The following UGT1A7 variants were observed in gnomAD, a reference collection of about 807,000 sequenced individuals.
UGT1A7 encodes the protein UDP-glucuronosyltransferase 1A7.
A neutral mutation model predicts 45.6 loss-of-function variants in UGT1A7; 33 were observed. The observed-to-expected ratio is 0.72, with a 90% CI of 0.55 to 0.97. The LOEUF is 0.97. Among genes scored for constraint, UGT1A7 ranks in the 50% least tolerant of loss-of-function variants. The pLI is 0.00. For missense variants in UGT1A7, 684 were observed against 666.2 expected, an observed-to-expected ratio of 1.03 and a Z score of -0.29; for synonymous variants, 274 against 250.6, an observed-to-expected ratio of 1.09 and a Z score of -0.88.
At chr2:233,702,131 A>C (rs1379311746) in intron 1 of UGT1A7, among the ~76,000 whole-genome samples, 1 of 151,904 alleles carries the variant, frequency 6.6e-6, no homozygotes, top group Non-Finnish European at 1.5e-5. Context: ...ATTTTCAGTC[A>C]CTCCCAAAGA....
intron 1 of UGT1A7, chr2:233,713,781 G>C (rs1363495958): frequency 1.2e-6 from 2 of 1,613,986 alleles, no homozygotes; most frequent in Non-Finnish European, 1.7e-6. Context: ...CTTTGTGATG[G>C]ATTACCCCAG....
In UGT1A7 at chr2:233,682,646, A is replaced by C. The variant is rs1441040908; in HGVS notation, c.709A>C (p.Thr237Pro). 1 of 1,613,772 alleles carries C rather than the reference A, an allele frequency of 6.2e-7. No homozygotes were observed. Among genetic ancestry groups the C allele is most frequent in the Non-Finnish European group, 8.5e-7 (1 of 1,179,806 alleles). ...VLEIASEILQ[T>P]PVTAYDLYSH... ...AGAAATAGCCTCTGAAATTCTCCAA[A>C]CCCCTGTCACGGCATATGATCTCTA... The change falls in exon 1 of 5, where the codon ACC (threonine) becomes CCC (proline). Residue 237 changes from threonine to proline, a missense_variant. Transcript: ENST00000373426.
Position 233,769,467 on chromosome 2 carries a change from G to T in UGT1A7, c.1295+1028G>T. The T allele has an allele frequency of 6.2e-7, 1 of 1,602,902 alleles. No homozygotes were observed. On this transcript the variant is annotated intron_variant, in intron 4 of 4. Coordinates refer to ENST00000373426, the MANE Select transcript of UGT1A7 (RefSeq NM_019077.3). This position sits in a 1 kb window ranked among gnomAD's most constrained non-coding sequence, Gnocchi z 4.4. Reference sequence around the variant, plus strand: ...TGCACACGTGTGCATTCATATGCGTGTGTGTGTGTGTGCGTGTGTTTATGA... The same window carrying T: ...TGCACACGTGTGCATTCATATGCGTTTGTGTGTGTGTGCGTGTGTTTATGA...
chr2:233,757,994 T>C (rs1233482965), intron 1 of UGT1A7, among the ~76,000 whole-genome samples: 1 of 152,092 alleles, frequency 6.6e-6, no homozygotes, highest in Non-Finnish European at 1.5e-5. Context: ...TCCCCTGTAA[T>C]TGCCTGGTCA....
chr2:233,712,348 G>A (rs2076227987), intron 1 of UGT1A7, among the ~76,000 whole-genome samples: 1 of 152,170 alleles, frequency 6.6e-6, no homozygotes, highest in African/African-American at 2.4e-5. Context: ...ATCACATCTT[G>A]AGCTCAGCCT....
At chr2:233,740,478 C>T (rs1295883834) in intron 1 of UGT1A7, among the ~76,000 whole-genome samples, 1 of 151,898 alleles carries the variant, frequency 6.6e-6, no homozygotes, top group African/African-American at 2.4e-5. Flanking sequence ...AAGGATCATT[C>T]CCTCTTCCAG....
At chr2:233,741,652 T>A (rs1179014053) in intron 1 of UGT1A7, 1 of 151,932 alleles carries the variant, frequency 6.6e-6, no homozygotes, top group Non-Finnish European at 1.5e-5. Context: ...GCCAGCTGAC[T>A]GCCATGTTCC....
At chr2:233,713,501 G>A (rs771192795) in intron 1 of UGT1A7, 5 of 1,613,952 alleles carry the variant, frequency 3.1e-6, no homozygotes, top group Admixed American at 1.7e-5. Context: ...TTCCTGCTGT[G>A]TTTTTCTTGA....
intron 1 of UGT1A7, among the ~76,000 whole-genome samples, chr2:233,715,946 TTGAC>T (rs1026670441): frequency 8.5e-5 from 13 of 152,220 alleles, no homozygotes; most frequent in African/African-American, 2.9e-4. Flanking sequence ...TTGTGGTTTG[TTGAC>T]TGACTGACTG....
chr2:233,718,048 C>G, intron 1 of UGT1A7: 1 of 365,942 alleles, frequency 2.7e-6, no homozygotes, highest in South Asian at 2.1e-5. Flanking sequence ...CAGGAGCTCC[C>G]TGAACCCACC....
intron 1 of UGT1A7, among the ~76,000 whole-genome samples, chr2:233,700,227 T>C (rs1296427403): frequency 1.3e-5 from 2 of 152,204 alleles, no homozygotes; most frequent in Non-Finnish European, 2.9e-5. Flanking sequence ...TCTAGGCAAC[T>C]CAGTAGAACA....
intron 1 of UGT1A7, among the ~76,000 whole-genome samples, chr2:233,714,272 G>A (rs1053935248): frequency 6.6e-6 from 1 of 152,146 alleles, no homozygotes; most frequent in Non-Finnish European, 1.5e-5. Context: ...AATTGTTGAC[G>A]TGACAATTTT....
At chr2:233,730,412 A>G (rs2078028510) in intron 1 of UGT1A7, among the ~76,000 whole-genome samples, 1 of 152,204 alleles carries the variant, frequency 6.6e-6, no homozygotes, top group Non-Finnish European at 1.5e-5. Flanking sequence ...AATTGTTGAC[A>G]TGATAATTTT....
intron 1 of UGT1A7, among the ~76,000 whole-genome samples, chr2:233,701,507 A>G (rs1166715177): frequency 2.0e-5 from 3 of 152,208 alleles, no homozygotes; most frequent in Non-Finnish European, 4.4e-5. Context: ...ATAGACATCT[A>G]CAGAACTCTC....
chr2:233,699,313 G>A (rs1398593623), intron 1 of UGT1A7, among the ~76,000 whole-genome samples: 1 of 151,996 alleles, frequency 6.6e-6, no homozygotes, highest in Non-Finnish European at 1.5e-5. Context: ...TGTCCTTTTT[G>A]CTATTTTGTT....
At chr2:233,687,046 G>A (rs940789522) in intron 1 of UGT1A7, among the ~76,000 whole-genome samples, 1 of 152,158 alleles carries the variant, frequency 6.6e-6, no homozygotes, top group East Asian at 1.9e-4. Flanking sequence ...TTGAGCACGC[G>A]GACCCTGGAG....
intron 1 of UGT1A7, among the ~76,000 whole-genome samples, chr2:233,699,014 G>A (rs2075477685): frequency 6.6e-6 from 1 of 152,222 alleles, no homozygotes; most frequent in Non-Finnish European, 1.5e-5. Flanking sequence ...AACATGAGAG[G>A]CTGAGCCACC....
At chr2:233,693,702 C>T in intron 1 of UGT1A7, 1 of 1,614,214 alleles carries the variant, frequency 6.2e-7, no homozygotes, top group Middle Eastern at 1.6e-4. Context: ...GAAGAACTCG[C>T]ATCAGCTGTC....
chr2:233,746,646 C>A (rs1278819744), intron 1 of UGT1A7, among the ~76,000 whole-genome samples: 2 of 151,736 alleles, frequency 1.3e-5, no homozygotes, highest in East Asian at 3.9e-4. Flanking sequence ...TCTAACTTGG[C>A]TTTCTGTCCC....
Sources: allele counts gnomAD v4.1 joint callset (sites outside exome capture counted in the v4.1 genomes callset), GRCh38; gene constraint gnomAD v4.1.1; non-coding constraint Gnocchi (gnomAD v3.1); transcripts MANE v1.5; gene names NCBI Gene and HGNC (gene_info 2026-07-23, HGNC 2026-07-21).